HECW2: variants seen among roughly 807,000 people sequenced by gnomAD.
HECW2 encodes HECT, C2 and WW domain containing E3 ubiquitin protein ligase 2.
A neutral mutation model predicts 175.2 loss-of-function variants in HECW2; 61 were observed. The ratio of observed to expected loss-of-function variants is 0.35; its 90% CI spans 0.28 to 0.43. The LOEUF (loss-of-function observed/expected upper bound fraction) is 0.43. Among genes scored for constraint, HECW2 ranks in the 20% least tolerant of loss-of-function variants. The pLI is 1.00. For missense variants in HECW2, 1,524 were observed against 2,000.5 expected (o/e 0.76, Z 4.54); for synonymous variants, 671 against 731.0 (o/e 0.92, Z 1.32).
intron 16 of HECW2, among the ~76,000 whole-genome samples, chr2:196,273,049 A>ATTTTTTTGTTTTTTT (rs1689801797): frequency 8.8e-6 from 1 of 113,140 alleles, no homozygotes; most frequent in African/African-American, 3.9e-5. Flanking sequence ...AGCTGGTCTA[A>ATTTTTTTGTTTTTTT]TTTTTTTTTT....
intron 2 of HECW2, among the ~76,000 whole-genome samples, chr2:196,373,353 CT>C (rs1296138483): frequency 6.6e-6 from 1 of 152,176 alleles, no homozygotes; most frequent in African/African-American, 2.4e-5. Flanking sequence ...ATGTTAATTT[CT>C]TTTAGTGTAC....
intron 1 of HECW2, among the ~76,000 whole-genome samples, chr2:196,491,724 T>C (rs1329632092): frequency 1.3e-5 from 2 of 151,914 alleles, no homozygotes; most frequent in Non-Finnish European, 2.9e-5. Context: ...TCAAAACTAG[T>C]TTTCAAGATG....
intron 1 of HECW2, among the ~76,000 whole-genome samples, chr2:196,495,668 T>A (rs1419307068): frequency 6.6e-6 from 1 of 152,212 alleles, no homozygotes; most frequent in Non-Finnish European, 1.5e-5. Flanking sequence ...CCTGCCTTTA[T>A]GTTAGGACTC....
At chr2:196,373,311 C>T (rs1346590743) in intron 2 of HECW2, among the ~76,000 whole-genome samples, 2 of 152,150 alleles carry the variant, frequency 1.3e-5, no homozygotes, top group Non-Finnish European at 2.9e-5. Flanking sequence ...AAAAGAATTG[C>T]CTGTTTTCAA....
chr2:196,249,550 C>G (rs148135769), intron 19 of HECW2, among the ~76,000 whole-genome samples: 2 of 152,298 alleles, frequency 1.3e-5, no homozygotes, highest in Admixed American at 1.3e-4. Context: ...ATATTATTCT[C>G]ACACCACTAA....
intron 5 of HECW2, among the ~76,000 whole-genome samples, chr2:196,326,591 G>A (rs765482391): frequency 8.6e-5 from 13 of 151,724 alleles, no homozygotes; most frequent in Non-Finnish European, 1.9e-4. Flanking sequence ...TTACAGGCAC[G>A]TACCACCACA....
At chr2:196,518,563 A>G (rs750444880) in intron 1 of HECW2, among the ~76,000 whole-genome samples, 7 of 151,204 alleles carry the variant, frequency 4.6e-5, no homozygotes, top group Non-Finnish European at 1.0e-4. Flanking sequence ...GCGGAGACAG[A>G]AGAATTGCTT....
chr2:196,493,369 T>C (rs1193164165), intron 1 of HECW2: 1 of 152,130 alleles, frequency 6.6e-6, no homozygotes, highest in East Asian at 1.9e-4. Flanking sequence ...GACCCTGTAC[T>C]GAGACCCTGT....
intron 17 of HECW2, chr2:196,263,027 T>C (rs1689366987): frequency 6.6e-6 from 1 of 151,528 alleles, no homozygotes; most frequent in Non-Finnish European, 1.5e-5. Flanking sequence ...GCTATCTTTT[T>C]TTTTTCTTTT....
chr2:196,474,924 G>T (rs1686508347), intron 1 of HECW2, among the ~76,000 whole-genome samples: 1 of 152,160 alleles, frequency 6.6e-6, no homozygotes, highest in South Asian at 2.1e-4. Flanking sequence ...CAGAAGACAT[G>T]CTATGTATCA....
chr2:196,509,886 G>T (rs550475387), intron 1 of HECW2, among the ~76,000 whole-genome samples: 6 of 152,306 alleles, frequency 3.9e-5, no homozygotes, highest in African/African-American at 1.4e-4. Context: ...CACTCCTTCA[G>T]GCATAAGTGA....
chr2:196,475,912 G>C (rs377342986), intron 1 of HECW2, among the ~76,000 whole-genome samples: 1 of 152,202 alleles, frequency 6.6e-6, no homozygotes, highest in East Asian at 1.9e-4. Context: ...GCCAATCTCA[G>C]GACTCTCCTT....
chr2:196,309,601 A>G (rs1045194196), intron 10 of HECW2, among the ~76,000 whole-genome samples: 2 of 50,932 alleles, frequency 3.9e-5, no homozygotes, highest in Admixed American at 2.8e-4. Context: ...ATCTCAAAAG[A>G]TTTTGGGAAC....
chr2:196,258,070 T>C (rs561983757), intron 17 of HECW2, 164 bp from the exon 18 acceptor site: 34 of 536,054 alleles, frequency 6.3e-5, no homozygotes, highest in Non-Finnish European at 9.0e-5. Flanking sequence ...AGACATGGTC[T>C]TTGCCTTCAA....
chr2:196,274,626 T>TA (rs1215123095), intron 15 of HECW2, among the ~76,000 whole-genome samples: 3 of 152,218 alleles, frequency 2.0e-5, no homozygotes, highest in Admixed American at 1.3e-4. Flanking sequence ...GGTTTCGAGT[T>TA]AGTGTATTAT....
rs188314240 is a variant in HECW2 at position 196,303,932 on chromosome 2, G to A, written c.2814+2556C>T. Among the ~76,000 whole-genome samples the A allele has an allele frequency of 7.0e-4, 106 of 151,994 alleles. 1 individual carries two copies. The highest frequency in any genetic ancestry group is 2.5e-3 in the African/African-American group (102 of 41,414). ...ATCCAATATTCATCCATTTGTCACCGTCTCTACTGCTAACTGCGTTAGCCC... is the reference window on the plus strand; with the variant it reads ...ATCCAATATTCATCCATTTGTCACCATCTCTACTGCTAACTGCGTTAGCCC... On this transcript the variant is annotated intron_variant, in intron 13 of 28. Coordinates refer to ENST00000644978, the MANE Select transcript of HECW2 (RefSeq NM_001348768.2).
chr2:196,353,816 G>A (rs1282667542), intron 2 of HECW2, among the ~76,000 whole-genome samples: 3 of 152,114 alleles, frequency 2.0e-5, no homozygotes, highest in African/African-American at 7.2e-5. Context: ...CCCATCCTGT[G>A]CCTATAAAAA....
chr2:196,216,071 G>A, intron 27 of HECW2, 94 bp from the exon 28 acceptor site: 1 of 794,858 alleles, frequency 1.3e-6, no homozygotes, highest in South Asian at 1.5e-5. Flanking sequence ...TCCTGAGGAA[G>A]AGCAGGCAGG....
chr2:196,326,449 T>A (rs1291033801), intron 5 of HECW2, among the ~76,000 whole-genome samples: 2 of 57,670 alleles, frequency 3.5e-5, no homozygotes, highest in Non-Finnish European at 6.5e-5. Context: ...CTAAGAGCAA[T>A]TTTTTTTTTT....
Sources: gnomAD v4.1 joint callset for allele counts (sites outside exome capture counted in the v4.1 genomes callset) on GRCh38, gnomAD v4.1.1 for gene constraint, MANE v1.5 for transcripts, NCBI Gene and HGNC (gene_info 2026-07-23, HGNC 2026-07-21) for gene names.